DAPL1: variants seen among roughly 807,000 people sequenced by gnomAD.
The protein encoded by DAPL1 is death-associated protein-like 1.
A neutral mutation model predicts 12.9 loss-of-function variants in DAPL1; 17 were observed. The ratio of observed to expected loss-of-function variants is 1.32; its 90% confidence interval spans 0.90 to 1.98. The LOEUF is 1.98. DAPL1 is among the 30% of genes most tolerant of loss of function. The pLI, the probability that DAPL1 is intolerant of heterozygous loss-of-function variation, is 0.00. For missense variants in DAPL1, 157 were observed against 125.7 expected, an observed-to-expected ratio of 1.25 and a Z score of -1.19; for synonymous variants, 51 against 42.0, an observed-to-expected ratio of 1.21 and a Z score of -0.82.
intron 1 of DAPL1, among the ~76,000 whole-genome samples, chr2:158,803,780 T>C (rs2059182479): frequency 1.3e-5 from 2 of 152,278 alleles, no homozygotes; most frequent in South Asian, 4.1e-4. Context: ...ACCATCTCTG[T>C]TGAATTAAAT....
At chr2:158,809,045 T>C (rs1303327086) in intron 3 of DAPL1, among the ~76,000 whole-genome samples, 1 of 152,124 alleles carries the variant, frequency 6.6e-6, no homozygotes, top group Non-Finnish European at 1.5e-5. Flanking sequence ...TAAGAGAACA[T>C]TGAGATGGTG....
At chr2:158,796,993 G>C (rs139618496) in intron 1 of DAPL1, among the ~76,000 whole-genome samples, 1 of 152,308 alleles carries the variant, frequency 6.6e-6, no homozygotes, top group Non-Finnish European at 1.5e-5. Flanking sequence ...AGCCTGTCTT[G>C]CCACTAATTT....
At chr2:158,814,418 C>A (rs774106818) in intron 3 of DAPL1, among the ~76,000 whole-genome samples, 10 of 152,070 alleles carry the variant, frequency 6.6e-5, no homozygotes, top group Non-Finnish European at 1.5e-4. Context: ...TTTTGTATAA[C>A]TTGTACCTGC....
chr2:158,805,487 T>C (rs534139244), intron 2 of DAPL1, among the ~76,000 whole-genome samples: 2 of 149,116 alleles, frequency 1.3e-5, no homozygotes, highest in East Asian at 3.9e-4. Flanking sequence ...CAGACTGCGA[T>C]TGAATTGCAA....
intron 1 of DAPL1, among the ~76,000 whole-genome samples, chr2:158,795,797 T>C (rs752620499): frequency 6.6e-6 from 1 of 152,182 alleles, no homozygotes; most frequent in Non-Finnish European, 1.5e-5. Flanking sequence ...TTTGCTACCA[T>C]GGAAACCTTT....
intron 3 of DAPL1, among the ~76,000 whole-genome samples, chr2:158,808,995 A>G (rs1455584717): frequency 6.6e-6 from 1 of 152,190 alleles, no homozygotes; most frequent in Non-Finnish European, 1.5e-5. Flanking sequence ...TCCCTAAGTA[A>G]CAATACTTAA....
intron 1 of DAPL1, among the ~76,000 whole-genome samples, chr2:158,795,679 T>A (rs1022962515): frequency 2.0e-5 from 3 of 152,184 alleles, no homozygotes; most frequent in Admixed American, 6.5e-5. Context: ...TTGGGGCTTG[T>A]GGAAAGGCAT....
chr2:158,799,484 G>T (rs534402767), intron 1 of DAPL1, among the ~76,000 whole-genome samples: 1 of 152,076 alleles, frequency 6.6e-6, no homozygotes, highest in African/African-American at 2.4e-5. Flanking sequence ...GTGTTGCATT[G>T]TAAATAATGG....
chr2:158,804,281 G>C lies in DAPL1; in HGVS notation c.59-1G>C. The stretch of plus-strand genomic sequence containing the variant: ...CCATGCTGATTTTTATCTGTTTGTA[G>C]TAAAAGCTGGAGGAATGAGAATTTC... On this transcript the variant is annotated splice_acceptor_variant, in intron 1 of 3. Transcript: ENST00000309950. LOFTEE classifies it high-confidence loss of function. The C allele has an allele frequency of 6.2e-7, 1 of 1,603,602 alleles. No individual in the cohort carries two copies. Among genetic ancestry groups the C allele is most frequent in the Non-Finnish European group, 8.5e-7 (1 of 1,173,324 alleles).
rs139771414 is a variant in DAPL1 at position 158,795,406 on chromosome 2, C to T, written c.34C>T (p.Arg12Trp). 1.9e-5 allele frequency: 29 copies of T among 1,555,848 alleles called. No homozygotes were observed. Among genetic ancestry groups the T allele is most frequent in the African/African-American group, 1.6e-4 (12 of 73,320 alleles). ...TGAAGTGCAAGACCTGCTCTCCCCT[C>T]GGAAAGGGGGACATCCTCCTGCAGG... ...ANEVQDLLSP[R>W]KGGHPPAVKA... Residue 12 changes from arginine (R) to tryptophan (W), a missense_variant, in exon 1 of 4, where the codon CGG becomes TGG. By Grantham distance (101) the Arg-to-Trp change is moderately radical (BLOSUM62 -3). Transcript: ENST00000309950.
rs556012478 is a variant in DAPL1 at position 158,799,879 on chromosome 2, T to C, written c.59-4403T>C. On this transcript the variant is annotated intron_variant, in intron 1 of 3. Coordinates refer to ENST00000309950, the MANE Select transcript of DAPL1 (RefSeq NM_001017920.3). ...TCTTCCCCCTAAAATGTCTATCTTA[T>C]TGTTCCTAAGGATGAGGAATTCCCA... Among the ~76,000 whole-genome samples, 16 of 152,166 alleles carry C rather than the reference T, an allele frequency of 1.1e-4. No individual in the cohort carries two copies. In the South Asian group the frequency reaches 3.3e-3, roughly 32 times the overall value.
intron 3 of DAPL1, among the ~76,000 whole-genome samples, chr2:158,808,507 T>A (rs1444801465): frequency 2.0e-5 from 3 of 152,162 alleles, no homozygotes; most frequent in Non-Finnish European, 4.4e-5. Context: ...AATAAGACAG[T>A]ATATCTAAAG....
At chr2:158,797,154 C>T (rs948511915) in intron 1 of DAPL1, among the ~76,000 whole-genome samples, 6 of 152,140 alleles carry the variant, frequency 3.9e-5, no homozygotes, top group Non-Finnish European at 8.8e-5. Context: ...GAGGGTGGGA[C>T]ATACATAGCC....
intron 1 of DAPL1, among the ~76,000 whole-genome samples, chr2:158,803,589 T>C (rs1035361041): frequency 2.6e-5 from 4 of 152,250 alleles, no homozygotes; most frequent in African/African-American, 9.6e-5. Context: ...AAAAGTTGAT[T>C]TCATCTGACA....
chr2:158,803,889 T>C (rs1329204415), intron 1 of DAPL1, among the ~76,000 whole-genome samples: 1 of 152,206 alleles, frequency 6.6e-6, no homozygotes, highest in Admixed American at 6.5e-5. Context: ...CGCACAACTT[T>C]AATCTGGTGG....
chr2:158,796,176 A>G (rs142606385), intron 1 of DAPL1, among the ~76,000 whole-genome samples: 8 of 152,266 alleles, frequency 5.3e-5, no homozygotes, highest in African/African-American at 1.7e-4. Context: ...AGTCAGTTTT[A>G]TATTCTTCCA....
At chr2:158,804,014 C>T (rs536829837) in intron 1 of DAPL1, among the ~76,000 whole-genome samples, 82 of 152,288 alleles carry the variant, frequency 5.4e-4, no homozygotes, top group African/African-American at 1.6e-3. Context: ...TTGTTATTCT[C>T]CTCCCCAAAT....
At chr2:158,810,771 A>G (rs2059226061) in intron 3 of DAPL1, among the ~76,000 whole-genome samples, 1 of 152,118 alleles carries the variant, frequency 6.6e-6, no homozygotes, top group African/African-American at 2.4e-5. Context: ...CATGTTGCCC[A>G]GTGGCAGAAC....
chr2:158,799,014 G>A (rs2059151076), intron 1 of DAPL1, among the ~76,000 whole-genome samples: 1 of 152,046 alleles, frequency 6.6e-6, no homozygotes, highest in Non-Finnish European at 1.5e-5. Flanking sequence ...GAAAATCTTA[G>A]CTGGAAAATT....
Sources: gnomAD v4.1 joint callset for allele counts (sites outside exome capture counted in the v4.1 genomes callset) on GRCh38, gnomAD v4.1.1 for gene constraint, MANE v1.5 for transcripts, NCBI Gene and HGNC (gene_info 2026-07-23, HGNC 2026-07-21) for gene names.